Variants in ABI1 observed in about 807,000 individuals in gnomAD.
The protein encoded by ABI1 is Abelson interactor 1.
In ABI1, 14 loss-of-function variants were observed where a neutral mutation model predicts 54.6. The ratio of observed to expected loss-of-function variants is 0.26; its 90% confidence interval spans 0.17 to 0.40. ABI1 has a LOEUF of 0.40. Ranked by LOEUF, ABI1 falls within the 10% of genes least tolerant of loss-of-function variation. The pLI is 1.00. For missense variants in ABI1, 443 were observed against 598.3 expected, an observed-to-expected ratio of 0.74 and a Z score of 2.71; for synonymous variants, 194 against 209.3, an observed-to-expected ratio of 0.93 and a Z score of 0.63.
At chr10:26,770,387 G>A (rs1360784161) in intron 4 of ABI1, 42 bp from the exon 5 acceptor site, 1 of 1,541,936 alleles carries the variant, frequency 6.5e-7, no homozygotes, top group Non-Finnish European at 9.0e-7. Context: ...ATATCAAATT[G>A]TTCTCCTGGT....
At chr10:26,762,645 G>A (rs1839389842) in intron 7 of ABI1, among the ~76,000 whole-genome samples, 1 of 152,146 alleles carries the variant, frequency 6.6e-6, no homozygotes, top group Admixed American at 6.6e-5. Flanking sequence ...TCAAAGCAAT[G>A]ACTTTATCAT....
rs1836936116 is a variant in ABI1 at position 26,746,600 on chromosome 10, T to C, written c.*1970A>G. On this transcript the variant is annotated 3_prime_UTR_variant, in exon 11 of 11. Transcript: ENST00000376140. ...TTTTAAAAGATATCAAACTTATTGATGGGCAATTTATTTTTTTTTATTGCA... is the reference window on the plus strand; with the variant it reads ...TTTTAAAAGATATCAAACTTATTGACGGGCAATTTATTTTTTTTTATTGCA... 3.9e-6 allele frequency: 4 copies of C among 1,018,282 alleles called. No homozygotes were observed. The highest frequency in any genetic ancestry group is 4.4e-6 in the Non-Finnish European group (3 of 682,448). 63.1% of individuals were successfully genotyped at this position (1,018,282 alleles called of 1,614,324 possible).
At chr10:26,780,423 G>A (rs974949422) in intron 2 of ABI1, among the ~76,000 whole-genome samples, 5 of 152,090 alleles carry the variant, frequency 3.3e-5, no homozygotes, top group African/African-American at 9.7e-5. Context: ...TAGTAGAGAC[G>A]AGGTCTCACG....
chr10:26,814,418 C>G (rs1196011587), intron 2 of ABI1, among the ~76,000 whole-genome samples: 1 of 152,064 alleles, frequency 6.6e-6, no homozygotes, highest in African/African-American at 2.4e-5. Context: ...GAGGGAAGCC[C>G]AAAATTGCCA....
At chr10:26,854,122 C>T (rs1024605305) in intron 1 of ABI1, among the ~76,000 whole-genome samples, 4 of 152,032 alleles carry the variant, frequency 2.6e-5, no homozygotes, top group East Asian at 1.9e-4. Flanking sequence ...AACTGGAGAA[C>T]GCAGAAGCAC....
At chr10:26,817,446 C>T (rs1014940260) in intron 2 of ABI1, among the ~76,000 whole-genome samples, 5 of 152,038 alleles carry the variant, frequency 3.3e-5, no homozygotes, top group African/African-American at 1.2e-4. Flanking sequence ...CAATTTTGTC[C>T]TAAAATCTAA....
chr10:26,814,426 C>T (rs2047429139), intron 2 of ABI1, among the ~76,000 whole-genome samples: 1 of 152,034 alleles, frequency 6.6e-6, no homozygotes, highest in Admixed American at 6.6e-5. Context: ...CCCAAAATTG[C>T]CAATGGAAAA....
chr10:26,848,832 C>T (rs1301694346), intron 1 of ABI1, among the ~76,000 whole-genome samples: 1 of 152,140 alleles, frequency 6.6e-6, no homozygotes, highest in Non-Finnish European at 1.5e-5. Flanking sequence ...TGGTCTCGAA[C>T]TCCTGACCTC....
chr10:26,781,512 T>C (rs981004738), intron 2 of ABI1, among the ~76,000 whole-genome samples: 1 of 152,214 alleles, frequency 6.6e-6, no homozygotes, highest in Non-Finnish European at 1.5e-5. Context: ...CTGTGGTGCC[T>C]AGTGGGCTGT....
intron 1 of ABI1, among the ~76,000 whole-genome samples, chr10:26,851,052 G>A (rs934405032): frequency 1.3e-5 from 2 of 149,846 alleles, no homozygotes; most frequent in African/African-American, 5.0e-5. Context: ...AACCAACCAT[G>A]CAAAATGATG....
intron 7 of ABI1, among the ~76,000 whole-genome samples, chr10:26,763,422 G>A (rs1314591855): frequency 6.6e-6 from 1 of 152,106 alleles, no homozygotes; most frequent in Non-Finnish European, 1.5e-5. Context: ...CATAAAAACT[G>A]GGCCATATCA....
At chr10:26,765,843 AAT>A (rs1232602389) in intron 6 of ABI1, among the ~76,000 whole-genome samples, 2 of 152,194 alleles carry the variant, frequency 1.3e-5, no homozygotes, top group Admixed American at 1.3e-4. Flanking sequence ...ATCTGGAACC[AAT>A]ATAATGATAA....
intron 6 of ABI1, among the ~76,000 whole-genome samples, chr10:26,767,809 G>A (rs935183669): frequency 1.3e-5 from 2 of 152,150 alleles, no homozygotes; most frequent in African/African-American, 2.4e-5. Context: ...CACTTTGGGA[G>A]GCCGAGGTGG....
Position 26,860,921 on chromosome 10 carries a change from G to A in ABI1, c.-58C>T. On this transcript the variant is annotated 5_prime_UTR_variant, in exon 1 of 11. Coordinates refer to ENST00000376140, the MANE Select transcript of ABI1 (RefSeq NM_001012750.3). This position sits in a 1 kb window ranked among gnomAD's most constrained non-coding sequence, Gnocchi z 4.1. ...TAAAGAGACAGAGGCAGCAAGGTCC[G>A]CCGAGGCTCCGAGCACCTCACAGCC... The A allele has an allele frequency of 2.6e-6, 4 of 1,522,306 alleles. No individual in the cohort carries two copies. The highest frequency in any genetic ancestry group is 2.7e-6 in the Non-Finnish European group (3 of 1,099,612). 94.3% of individuals were successfully genotyped at this position (1,522,306 alleles called of 1,614,324 possible). A position where few individuals can be genotyped will look rare whatever the true frequency, so the allele number is the denominator to read the frequency against.
At chr10:26,796,889 A>G (rs10741121) in intron 2 of ABI1, among the ~76,000 whole-genome samples, 87,264 of 151,958 alleles carry the variant, frequency 0.57, 27,248 homozygotes, top group African/African-American at 0.83. Context: ...CATAAGGAGC[A>G]TGCAACTTAG....
At chr10:26,771,528 C>A (rs930117242) in intron 3 of ABI1, among the ~76,000 whole-genome samples, 3 of 152,152 alleles carry the variant, frequency 2.0e-5, no homozygotes, top group African/African-American at 7.2e-5. Context: ...GTATTCATTA[C>A]TTCAATGGTA....
chr10:26,810,034 T>C (rs2047128632), intron 2 of ABI1, among the ~76,000 whole-genome samples: 1 of 152,088 alleles, frequency 6.6e-6, no homozygotes, highest in Admixed American at 6.6e-5. Context: ...CTGAGAGGGG[T>C]TGTGGGAAAC....
chr10:26,797,079 C>A (rs1365328750), intron 2 of ABI1, among the ~76,000 whole-genome samples: 2 of 152,100 alleles, frequency 1.3e-5, no homozygotes, highest in Non-Finnish European at 2.9e-5. Context: ...GGGACCCCTG[C>A]CATAACGTCA....
chr10:26,761,874 T>A (rs1839280739), intron 7 of ABI1, among the ~76,000 whole-genome samples: 1 of 151,972 alleles, frequency 6.6e-6, no homozygotes, highest in African/African-American at 2.4e-5. Context: ...TATTTATCCA[T>A]TCTACTACTA....
Sources: allele counts gnomAD v4.1 joint callset (sites outside exome capture counted in the v4.1 genomes callset), GRCh38; gene constraint gnomAD v4.1.1; non-coding constraint Gnocchi (gnomAD v3.1); transcripts MANE v1.5; gene names NCBI Gene and HGNC (gene_info 2026-07-23, HGNC 2026-07-21).